ALDH9A1: variants seen among roughly 807,000 people sequenced by gnomAD.
ALDH9A1 encodes the protein 4-trimethylaminobutyraldehyde dehydrogenase.
In ALDH9A1, 42 loss-of-function variants were observed where a neutral mutation model predicts 56.6. The ratio of observed to expected loss-of-function variants is 0.74; its 90% confidence interval spans 0.58 to 0.96. The LOEUF (loss-of-function observed/expected upper bound fraction) is 0.96, where lower values mean the gene tolerates loss of function less well. Among genes scored for constraint, ALDH9A1 ranks in the 40% least tolerant of loss-of-function variants. ALDH9A1 has a pLI of 0.00. For synonymous variants in ALDH9A1, 242 were observed against 236.0 expected (o/e 1.03, Z -0.23); for missense variants, 661 against 651.5 (o/e 1.01, Z -0.16).
At chr1:165,678,130 T>G (rs915201760) in intron 6 of ALDH9A1, among the ~76,000 whole-genome samples, 4 of 152,038 alleles carry the variant, frequency 2.6e-5, no homozygotes, top group South Asian at 2.1e-4. Context: ...AGTCAGGAGT[T>G]TGAGACCAGC....
At chr1:165,665,216 G>T in intron 9 of ALDH9A1, 86 bp from the exon 10 acceptor site, 3 of 1,015,622 alleles carry the variant, frequency 3.0e-6, no homozygotes, top group Non-Finnish European at 4.4e-6. Context: ...CAGTTCTAGG[G>T]TTCTCAAATC....
intron 1 of ALDH9A1, among the ~76,000 whole-genome samples, chr1:165,697,735 G>A (rs930688511): frequency 6.6e-6 from 1 of 151,986 alleles, no homozygotes; most frequent in Non-Finnish European, 1.5e-5. Context: ...GGTTTTAAAA[G>A]GGGGAACAGT....
chr1:165,664,928 C>T lies in ALDH9A1; in HGVS notation c.1462+90G>A, dbSNP rs575216437. ...TATTTCCCCAGGTAATTCAGATATG[C>T]AGACAGGTTTAGGAATACTGGTTTA... is the stretch of plus-strand genomic sequence containing the variant. On this transcript the variant is annotated intron_variant, in intron 10 of 10. Transcript: ENST00000354775. 5.1e-6 allele frequency: 5 copies of T among 983,326 alleles called. No homozygotes were observed. In the East Asian group the frequency reaches 1.2e-4, roughly 24 times the overall value. The allele number at this position is 983,326 out of a possible 1,614,324, so 60.9% of individuals were successfully genotyped here. A position where few individuals can be genotyped will look rare whatever the true frequency, so the allele number is the denominator to read the frequency against.
At chr1:165,671,251 C>T in intron 6 of ALDH9A1, 1 of 214,614 alleles carries the variant, frequency 4.7e-6, no homozygotes, top group Non-Finnish European at 9.6e-6. Flanking sequence ...CTGACAGCTG[C>T]CATCATGGGT....
intron 2 of ALDH9A1, among the ~76,000 whole-genome samples, chr1:165,687,205 G>C (rs1337201404): frequency 6.6e-6 from 1 of 151,960 alleles, no homozygotes; most frequent in Admixed American, 6.6e-5. Flanking sequence ...ACTGGAAAAT[G>C]AACTGAGCAT....
chr1:165,669,352 A>T lies in ALDH9A1; in HGVS notation c.1029T>A (p.Asp343Glu), dbSNP rs201047918. ...VKQTQRIKIG[D>E]PLLEDTRMGP... The stretch of plus-strand genomic sequence containing the variant: ...CCATCCTTGTATCTTCCAGAAGGGG[A>T]TCTCCAATTTTAATCCTTTGGGTCT... Residue 343 changes from aspartate to glutamate, a missense_variant, in exon 7 of 11, where the codon GAT (aspartate) becomes GAA (glutamate). Physicochemically the swap from Asp to Glu is conservative, Grantham distance 45 (BLOSUM62 2). Coordinates refer to ENST00000354775, the MANE Select transcript of ALDH9A1 (RefSeq NM_000696.4). 3 of 1,613,922 alleles carry T rather than the reference A, an allele frequency of 1.9e-6. No individual in the cohort carries two copies. The Admixed American group carries it at 5.0e-5, about 27-fold the overall frequency.
At chr1:165,668,658 C>T (rs1382693804) in intron 8 of ALDH9A1, 1 of 276,478 alleles carries the variant, frequency 3.6e-6, no homozygotes, top group Non-Finnish European at 6.7e-6. Flanking sequence ...TTTTTTTAAT[C>T]AAATATGCAC....
chr1:165,694,723 G>A lies in ALDH9A1; in HGVS notation c.327+529C>T, dbSNP rs572469610. On this transcript the variant is annotated intron_variant, in intron 2 of 10. Transcript: ENST00000354775. ...TGTAATCCCAGCATTTTGTGAGGCC[G>A]ATGTGGGTGGATCACTTGAGGTCAG... Among the ~76,000 whole-genome samples, 8 of 152,230 alleles carry A rather than the reference G, an allele frequency of 5.3e-5. No individual in the cohort carries two copies. The South Asian group carries it at 1.2e-3, about 24-fold the overall frequency.
intron 2 of ALDH9A1, among the ~76,000 whole-genome samples, chr1:165,686,079 T>G (rs1490829625): frequency 6.6e-6 from 1 of 152,114 alleles, no homozygotes; most frequent in African/African-American, 2.4e-5. Context: ...CCACTAGGAA[T>G]CAATGAGCTT....
Position 165,683,049 on chromosome 1 carries a change from G to A in ALDH9A1, c.389C>T (p.Ala130Val). 6 of 1,614,058 alleles carry A rather than the reference G, an allele frequency of 3.7e-6. No individual in the cohort carries two copies. Among genetic ancestry groups the A allele is most frequent in the Non-Finnish European group, 5.1e-6 (6 of 1,179,976 alleles). ...CINNGKSIFE[A>V]RLDIDISWQC... Reference sequence around the variant, plus strand: ...CCAGGAAATGTCAATGTCCAAGCGGGCCTCAAAGATGGACTTGCCATTGTT... The same window carrying A: ...CCAGGAAATGTCAATGTCCAAGCGGACCTCAAAGATGGACTTGCCATTGTT... Residue 130 changes from alanine (A) to valine (V), a missense_variant, in exon 3 of 11, where the codon GCC becomes GTC. Ala to Val is a moderately conservative substitution (Grantham distance 64). Transcript: ENST00000354775.
At chr1:165,664,812 G>T (rs1240804254) in intron 10 of ALDH9A1, among the ~76,000 whole-genome samples, 1 of 152,200 alleles carries the variant, frequency 6.6e-6, no homozygotes, top group African/African-American at 2.4e-5. Flanking sequence ...GAACCCTCCA[G>T]AAAGATTTAG....
rs34894576 is a variant in ALDH9A1 at position 165,695,487 on chromosome 1, C to CT, written c.182-91dup. 2,397 of 337,410 alleles carry CT rather than the reference C, an allele frequency of 7.1e-3. 41 individuals are homozygous for CT. Among genetic ancestry groups the CT allele is most frequent in the African/African-American group, 0.015 (407 of 27,992 alleles). 20.9% of individuals were successfully genotyped at this position (337,410 alleles called of 1,614,324 possible). ...CTATCAATATTCTCTTAGTAGTAGT[C>CT]TTTTTTTTTTTTTTTTTTTTTTTCT... On this transcript the variant is annotated intron_variant, in intron 1 of 10. Coordinates refer to ENST00000354775, the MANE Select transcript of ALDH9A1 (RefSeq NM_000696.4).
chr1:165,670,346 T>A (rs972255217), intron 6 of ALDH9A1, among the ~76,000 whole-genome samples: 6 of 151,728 alleles, frequency 4.0e-5, no homozygotes, highest in Non-Finnish European at 8.8e-5. Context: ...GGTGGGAGGG[T>A]CACTTGAGCC....
rs561795333 is a variant in ALDH9A1 at position 165,680,577 on chromosome 1, C to T, written c.699G>A (p.Val233=). The T allele has an allele frequency of 2.0e-5, 32 of 1,614,186 alleles. No individual in the cohort carries two copies. Among genetic ancestry groups the T allele is most frequent in the Non-Finnish European group, 2.6e-5 (31 of 1,180,034 alleles). Residue 233 remains valine (V), a synonymous_variant, in exon 5 of 11, where the codon GTG becomes GTA. Coordinates refer to ENST00000354775, the MANE Select transcript of ALDH9A1 (RefSeq NM_000696.4). ...AGVPPGLFNV[V]QGGAATGQFL... is the part of the protein sequence containing the mutation. ...ACTGGCCTGTGGCAGCCCCTCCCTG[C>T]ACCACATTGAAGAGCCCAGGAGGTA... is the stretch of plus-strand genomic sequence containing the variant.
intron 10 of ALDH9A1, among the ~76,000 whole-genome samples, chr1:165,663,896 C>T (rs1648924053): frequency 6.6e-6 from 1 of 152,246 alleles, no homozygotes; most frequent in Non-Finnish European, 1.5e-5. Context: ...CCAGGTGTTG[C>T]TCTGCACGTC....
chr1:165,675,186 C>G (rs1375746040), intron 6 of ALDH9A1, among the ~76,000 whole-genome samples: 1 of 152,032 alleles, frequency 6.6e-6, no homozygotes, highest in East Asian at 1.9e-4. Context: ...CAGAGTGAGA[C>G]TCCATCTCGA....
Position 165,662,755 on chromosome 1 carries a change from A to T in ALDH9A1, c.*295T>A, listed in dbSNP as rs572447831. On this transcript the variant is annotated 3_prime_UTR_variant, in exon 11 of 11. Transcript: ENST00000354775. ...AGTGGGCCAAATGTGTGGAAGATGT[A>T]TTATCCTAGTCTCTTTTCCTGTTCT... 6 of 320,910 alleles carry T rather than the reference A, an allele frequency of 1.9e-5. No individual in the cohort carries two copies. In the South Asian group the frequency reaches 2.5e-4, roughly 13 times the overall value. The allele number at this position is 320,910 out of a possible 1,614,324, so 19.9% of individuals were successfully genotyped here.
chr1:165,674,396 T>A (rs1307331440), intron 6 of ALDH9A1, among the ~76,000 whole-genome samples: 3 of 147,478 alleles, frequency 2.0e-5, no homozygotes, highest in Non-Finnish European at 3.0e-5. Flanking sequence ...CTTTAAAAAA[T>A]TAAAAATTGG....
At chr1:165,673,366 T>C (rs1649245049) in intron 6 of ALDH9A1, among the ~76,000 whole-genome samples, 2 of 152,228 alleles carry the variant, frequency 1.3e-5, no homozygotes, top group South Asian at 4.1e-4. Context: ...TATAAATTAG[T>C]ATAGGCTGCT....
Sources: allele counts gnomAD v4.1 joint callset (sites outside exome capture counted in the v4.1 genomes callset), GRCh38; gene constraint gnomAD v4.1.1; transcripts MANE v1.5; gene names NCBI Gene and HGNC (gene_info 2026-07-23, HGNC 2026-07-21).